LAMA1: variants seen among roughly 807,000 people sequenced by gnomAD.
LAMA1 encodes the protein laminin subunit alpha 1.
A neutral mutation model predicts 348.7 loss-of-function variants in LAMA1; 219 were observed. The ratio of observed to expected loss-of-function variants is 0.63; its 90% confidence interval spans 0.56 to 0.70. The LOEUF is 0.70. LAMA1 is among the 30% of genes least tolerant of loss of function. The pLI, the probability that LAMA1 is intolerant of heterozygous loss-of-function variation, is 0.00. For missense variants in LAMA1, 3,744 were observed against 3,888.0 expected, an observed-to-expected ratio of 0.96 and a Z score of 0.99; for synonymous variants, 1,487 against 1,491.0, an observed-to-expected ratio of 1.00 and a Z score of 0.06.
At chr18:6,992,511 A>G (rs758553216) in intron 36 of LAMA1, 50 bp downstream of exon 36, 5 of 1,594,628 alleles carry the variant, frequency 3.1e-6, no homozygotes, top group Non-Finnish European at 4.3e-6. Context: ...GATAGCGTGC[A>G]AGTTTCTCTC....
rs1020010882 is a variant in LAMA1, at chr18:7,050,765, T to G, written c.517A>C (p.Thr173Pro). The G allele has an allele frequency of 4.3e-6, 7 of 1,614,126 alleles. No individual in the cohort carries two copies. Among genetic ancestry groups the G allele is most frequent in the Non-Finnish European group, 5.1e-6 (6 of 1,180,028 alleles). The change falls in exon 4 of 63, where the codon ACC (threonine) becomes CCC (proline). Residue 173 changes from threonine (T) to proline (P), a missense_variant. Physicochemically the swap from Thr to Pro is conservative, Grantham distance 38 (BLOSUM62 -1). Around this residue, in one of 3 missense-constraint regions of LAMA1, gnomAD observed 1,529 missense variants for 1,689.4 expected, o/e 0.91. Coordinates refer to ENST00000389658, the MANE Select transcript of LAMA1 (RefSeq NM_005559.4). ...ATCACTTCATCATCAGCCCTGTAGGTGGGTGGCCCTCGTCTTGGAGTTATA... is the reference window on the plus strand; with the variant it reads ...ATCACTTCATCATCAGCCCTGTAGGGGGGTGGCCCTCGTCTTGGAGTTATA... Reference protein sequence around the residue: ...YNITPRRGPPTYRADDEVICT... With the variant: ...YNITPRRGPPPYRADDEVICT...
intron 54 of LAMA1, 75 bp downstream of exon 54, chr18:6,959,266 A>G (rs1385372015): frequency 6.2e-7 from 1 of 1,601,068 alleles, no homozygotes; most frequent in African/African-American, 1.3e-5. Context: ...CCAGGGCACC[A>G]CCGCAAGGTT....
intron 19 of LAMA1, among the ~76,000 whole-genome samples, chr18:7,020,232 C>G (rs2057909256): frequency 6.6e-6 from 1 of 152,160 alleles, no homozygotes; most frequent in African/African-American, 2.4e-5. Flanking sequence ...ACGGCCTGTC[C>G]ACACCTCCGG....
chr18:7,081,461 A>C (rs1399616937), intron 1 of LAMA1, among the ~76,000 whole-genome samples: 2 of 152,010 alleles, frequency 1.3e-5, no homozygotes, highest in Non-Finnish European at 2.9e-5. Context: ...TCTTTGCTGA[A>C]TAAAATTTTA....
At chr18:7,115,452 A>G (rs1672362021) in intron 1 of LAMA1, among the ~76,000 whole-genome samples, 1 of 152,162 alleles carries the variant, frequency 6.6e-6, no homozygotes, top group South Asian at 2.1e-4. Flanking sequence ...AAGGAAAGTG[A>G]GCCATCAGGT....
At chr18:7,032,598 G>C (rs2057975387) in intron 15 of LAMA1, among the ~76,000 whole-genome samples, 1 of 152,088 alleles carries the variant, frequency 6.6e-6, no homozygotes, top group Non-Finnish European at 1.5e-5. Context: ...AATAGCGAGG[G>C]GCCATAAAAG....
intron 14 of LAMA1, among the ~76,000 whole-genome samples, chr18:7,033,745 T>TC (rs1276751816): frequency 6.6e-6 from 1 of 151,818 alleles, no homozygotes; most frequent in African/African-American, 2.4e-5. Context: ...ATACAACTTT[T>TC]TTTTTTTGAG....
At chr18:6,981,495 A>T (rs2144049891) in intron 41 of LAMA1, among the ~76,000 whole-genome samples, 1 of 152,336 alleles carries the variant, frequency 6.6e-6, no homozygotes, top group South Asian at 2.1e-4. Context: ...TGTTCATAAC[A>T]TACAATCACA....
At chr18:7,017,454 C>G in intron 19 of LAMA1, 70 bp from the exon 20 acceptor site, 1 of 1,055,130 alleles carries the variant, frequency 9.5e-7, no homozygotes. Flanking sequence ...TCCGTCATCC[C>G]CAAAGGAAAA....
rs766719038 is a variant in LAMA1, at chr18:6,978,311, C to T, written c.6075G>A (p.Thr2025=). 1.1e-5 allele frequency: 18 copies of T among 1,614,136 alleles called. No individual in the cohort carries two copies. Among genetic ancestry groups the T allele is most frequent in the South Asian group, 8.8e-5 (8 of 91,088 alleles). The change falls in exon 43 of 63, where the codon ACG becomes ACA. Residue 2025 remains threonine, a synonymous_variant. Transcript: ENST00000389658. ...GGCTCAGCCCCGCCACGTCCCTCAGCGTGCTCACCGCGCTCTGGCTTGCAG... is the reference window on the plus strand; with the variant it reads ...GGCTCAGCCCCGCCACGTCCCTCAGTGTGCTCACCGCGCTCTGGCTTGCAG... The part of the protein sequence containing the change: ...ATSASQSAVS[T]LRDVAGLSQE...
intron 36 of LAMA1, among the ~76,000 whole-genome samples, chr18:6,991,176 A>C (rs1033261477): frequency 5.9e-5 from 9 of 151,936 alleles, no homozygotes; most frequent in Non-Finnish European, 1.2e-4. Context: ...ACTCCATCCA[A>C]CTGTAAGCAC....
chr18:6,978,593 TATCATA>T (rs1422455191), intron 42 of LAMA1, among the ~76,000 whole-genome samples: 2 of 152,230 alleles, frequency 1.3e-5, no homozygotes, highest in African/African-American at 4.8e-5. Flanking sequence ...TAAAGCTGCA[TATCATA>T]TGCTCTACTA....
chr18:6,950,845 G>A lies in LAMA1; in HGVS notation c.8334C>T (p.Asp2778=), dbSNP rs747782496. The change falls in exon 58 of 63, where the codon GAC becomes GAT. Residue 2778 remains aspartate, a synonymous_variant. Transcript: ENST00000389658. ...AGACCTTTGTTCTGCCTTTGCCAAGGTCAAACATGAAGTGGAGGCGGCCCC... is the reference window on the plus strand; with the variant it reads ...AGACCTTTGTTCTGCCTTTGCCAAGATCAAACATGAAGTGGAGGCGGCCCC... ...LHGGRLHFMF[D]LGKGRTKVSH... The A allele has an allele frequency of 7.4e-6, 12 of 1,614,130 alleles. No individual in the cohort carries two copies. Among genetic ancestry groups the A allele is most frequent in the Non-Finnish European group, 1.0e-5 (12 of 1,180,030 alleles).
chr18:7,012,601 G>A (rs1236389479), intron 23 of LAMA1, among the ~76,000 whole-genome samples: 1 of 150,614 alleles, frequency 6.6e-6, no homozygotes, highest in East Asian at 2.0e-4. Context: ...CACCCCCCGG[G>A]TTCAAGCGAT....
At chr18:6,944,804 C>A (rs1479545838) in intron 61 of LAMA1, among the ~76,000 whole-genome samples, 1 of 151,966 alleles carries the variant, frequency 6.6e-6, no homozygotes, top group African/African-American at 2.4e-5. Flanking sequence ...CCCAAGCAGA[C>A]TAAGACAGGA....
intron 29 of LAMA1, among the ~76,000 whole-genome samples, chr18:7,004,160 A>G (rs1437984999): frequency 6.6e-6 from 1 of 152,164 alleles, no homozygotes; most frequent in Non-Finnish European, 1.5e-5. Context: ...CCCTAATGAG[A>G]ACCAAAGTGT....
chr18:7,041,823 C>T (rs746598466), intron 9 of LAMA1, among the ~76,000 whole-genome samples: 1 of 152,210 alleles, frequency 6.6e-6, no homozygotes, highest in South Asian at 2.1e-4. Flanking sequence ...AACATTGTCA[C>T]CTCATTACCC....
intron 36 of LAMA1, among the ~76,000 whole-genome samples, chr18:6,988,165 A>G (rs2057743693): frequency 6.6e-6 from 1 of 152,170 alleles, no homozygotes; most frequent in Non-Finnish European, 1.5e-5. Context: ...CATCTACAAG[A>G]TGACTCTTCT....
chr18:7,005,360 CAG>C (rs1473885209), intron 29 of LAMA1, among the ~76,000 whole-genome samples: 3 of 152,214 alleles, frequency 2.0e-5, no homozygotes, highest in Non-Finnish European at 2.9e-5. Context: ...CAAAGATGAG[CAG>C]AGCTGTTTTG....
Sources: allele counts gnomAD v4.1 joint callset (sites outside exome capture counted in the v4.1 genomes callset), GRCh38; gene constraint gnomAD v4.1.1; regional missense constraint gnomAD v4.1.1; transcripts MANE v1.5; gene names NCBI Gene and HGNC (gene_info 2026-07-23, HGNC 2026-07-21).